Variants in TTN observed in about 807,000 individuals in gnomAD.
The protein encoded by TTN is connectin.
Under a neutral mutation model 3,223.0 loss-of-function variants are expected in TTN, and 1,525 were observed. The ratio of observed to expected loss-of-function variants is 0.47; its 90% CI spans 0.45 to 0.49. The LOEUF (loss-of-function observed/expected upper bound fraction) is 0.49. Ranked by LOEUF, TTN falls within the 20% of genes least tolerant of loss-of-function variation. TTN has a pLI of 0.00. For synonymous variants in TTN, 14,094 were observed against 15,161.0 expected (o/e 0.93, Z 5.17); for missense variants, 40,786 against 43,424.0 (o/e 0.94, Z 5.40).
chr2:178,743,693 T>C lies in TTN; in HGVS notation c.11312-1772A>G, dbSNP rs151197400. Among the ~76,000 whole-genome samples the C allele has an allele frequency of 1.2e-3, 181 of 152,132 alleles. 5 individuals are homozygous for C. In the East Asian group the frequency reaches 0.028, roughly 23 times the overall value. On this transcript the variant is annotated intron_variant, in intron 47 of 362. Transcript: ENST00000589042. The stretch of plus-strand genomic sequence containing the variant: ...ATGTTTGAGTAAAGCATGCTTGTCA[T>C]GTTTGCCTCAATCTGAGTTTCTCGT...
In TTN at chr2:178,594,004, G is replaced by T; in HGVS notation, c.58389C>A (p.Asn19463Lys). The T allele has an allele frequency of 6.2e-7, 1 of 1,613,556 alleles. No individual in the cohort carries two copies. Among genetic ancestry groups the T allele is most frequent in the East Asian group, 2.2e-5 (1 of 44,790 alleles). Residue 19463 changes from asparagine to lysine, a missense_variant, in exon 297 of 363, where the codon AAC (asparagine) becomes AAA (lysine). Asn to Lys is a moderately conservative substitution (Grantham distance 94, BLOSUM62 0). Coordinates refer to ENST00000589042, the MANE Select transcript of TTN (RefSeq NM_001267550.2). ...DSGKYCVVVE[N>K]STGSRKGFCQ... ...AGAAACCTTTCCTAGAGCCTGTACTGTTCTCCACAACCACACAGTATTTGC... is the reference window on the plus strand; with the variant it reads ...AGAAACCTTTCCTAGAGCCTGTACTTTTCTCCACAACCACACAGTATTTGC...
chr2:178,612,146 G>A lies in TTN; in HGVS notation c.50265C>T (p.Pro16755=), dbSNP rs2154200169. 2 of 1,611,124 alleles carry A rather than the reference G, an allele frequency of 1.2e-6. No individual in the cohort carries two copies. Among genetic ancestry groups the A allele is most frequent in the Non-Finnish European group, 1.7e-6 (2 of 1,178,630 alleles). Residue 16755 remains proline (P), a synonymous_variant, in exon 267 of 363, where the codon CCC becomes CCT. Coordinates refer to ENST00000589042, the MANE Select transcript of TTN (RefSeq NM_001267550.2). ...AKDTFTTPGP[P]YALAVVDVTK... ...TCACATCAACCACTGCCAGGGCGTA[G>A]GGTGGTCCAGGAGTGGCTGAAAATA...
At chr2:178,709,285 A>G (rs2154294114) in intron 99 of TTN, among the ~76,000 whole-genome samples, 1 of 152,348 alleles carries the variant, frequency 6.6e-6, no homozygotes, top group African/African-American at 2.4e-5. Flanking sequence ...CACACATTTC[A>G]GAGTACGCTG....
chr2:178,782,121 T>A, intron 20 of TTN, 91 bp downstream of exon 20: 1 of 1,464,430 alleles, frequency 6.8e-7, no homozygotes, highest in Non-Finnish European at 9.5e-7. Context: ...GAGCCTATGC[T>A]CAGGGTCGGT....
rs376354376 is a variant in TTN, at chr2:178,719,577, C to T, written c.23915G>A (p.Cys7972Tyr). Residue 7972 changes from cysteine (C) to tyrosine (Y), a missense_variant, in exon 82 of 363, where the codon TGC becomes TAC. Cys to Tyr is a radical substitution (Grantham distance 194, BLOSUM62 -2). Coordinates refer to ENST00000589042, the MANE Select transcript of TTN (RefSeq NM_001267550.2). ...EVKNSVGKSN[C>Y]TVSVHVSDRI... ...ACCAGAAACATGGACGGATACAGTG[C>T]AGTTACTTTTGCCAACACTGTTTTT... 3.7e-6 allele frequency: 6 copies of T among 1,610,618 alleles called. No homozygotes were observed. The highest frequency in any genetic ancestry group is 4.5e-5 in the East Asian group (2 of 44,834).
chr2:178,751,775 C>T lies in TTN; in HGVS notation c.11311+1349G>A, dbSNP rs141926114. ...CCGACGAAGACCTGTTGGGATGGGC[C>T]GATTGTTATGAAACCAAGTCATTTC... is the stretch of plus-strand genomic sequence containing the variant. On this transcript the variant is annotated intron_variant, in intron 47 of 362. Coordinates refer to ENST00000589042, the MANE Select transcript of TTN (RefSeq NM_001267550.2). The T allele has an allele frequency of 5.3e-5, 85 of 1,612,828 alleles. No homozygotes were observed. The African/African-American group carries it at 6.4e-4, about 12-fold the overall frequency.
intron 68 of TTN, 88 bp from the exon 69 acceptor site, chr2:178,727,459 T>C (rs1023814620): frequency 2.0e-6 from 3 of 1,504,352 alleles, no homozygotes; most frequent in Admixed American, 2.3e-5. Context: ...GAGAAAAACA[T>C]GAGCAAATAC....
chr2:178,553,372 A>G lies in TTN; in HGVS notation c.89528T>C (p.Val29843Ala). The change falls in exon 335 of 363, where the codon GTG (valine) becomes GCG (alanine). Residue 29843 changes from valine (V) to alanine (A), a missense_variant. Coordinates refer to ENST00000589042, the MANE Select transcript of TTN (RefSeq NM_001267550.2). ...GGCAATAACAGAAGTTCTGAGAGCCACATCCAGGTCAATCTCTGGTGCCTC... is the reference window on the plus strand; with the variant it reads ...GGCAATAACAGAAGTTCTGAGAGCCGCATCCAGGTCAATCTCTGGTGCCTC... ...ILEAPEIDLDVALRTSVIAKA... is the reference protein window; with the variant it reads ...ILEAPEIDLDAALRTSVIAKA... 1 of 1,597,350 alleles carries G rather than the reference A, an allele frequency of 6.3e-7. No homozygotes were observed. Among genetic ancestry groups the G allele is most frequent in the Non-Finnish European group, 8.5e-7 (1 of 1,172,804 alleles).
At position 178,572,526 on chromosome 2, in the gene TTN, C is replaced by T; in HGVS notation, c.73606G>A (p.Val24536Ile). Reference sequence around the variant, plus strand: ...AGAGGTGGGTCCCATGTGAGTGTGACAGATGTCTTAGTGACCTCTTTTACC... The same window carrying T: ...AGAGGTGGGTCCCATGTGAGTGTGATAGATGTCTTAGTGACCTCTTTTACC... ...LKVKEVTKTS[V>I]TLTWDPPLLD... Residue 24536 changes from valine to isoleucine, a missense_variant, in exon 326 of 363, where the codon GTC (valine) becomes ATC (isoleucine). By Grantham distance (29) the Val-to-Ile change is conservative. Coordinates refer to ENST00000589042, the MANE Select transcript of TTN (RefSeq NM_001267550.2). The T allele has an allele frequency of 6.2e-7, 1 of 1,613,424 alleles. No individual in the cohort carries two copies. Among genetic ancestry groups the T allele is most frequent in the Middle Eastern group, 1.7e-4 (1 of 6,054 alleles).
Position 178,712,918 on chromosome 2 carries a change from A to G in TTN, c.27107T>C (p.Val9036Ala). 6.2e-7 allele frequency: 1 copy of G among 1,613,302 alleles called. No homozygotes were observed. The highest frequency in any genetic ancestry group is 8.5e-7 in the Non-Finnish European group (1 of 1,179,550). The change falls in exon 94 of 363, where the codon GTA becomes GCA. Residue 9036 changes from valine (V) to alanine (A), a missense_variant. Physicochemically the swap from Val to Ala is moderately conservative, Grantham distance 64 (BLOSUM62 0). Coordinates refer to ENST00000589042, the MANE Select transcript of TTN (RefSeq NM_001267550.2). Reference protein sequence around the residue: ...DPMDVLTGTNVTFTSIVKGTP... With the variant: ...DPMDVLTGTNATFTSIVKGTP... ...TCCTTTTACGATACTTGTGAAAGTT[A>G]CATTGGTCCCAGTTAAAACATCCAT...
intron 88 of TTN, among the ~76,000 whole-genome samples, chr2:178,716,812 A>C (rs1284694447): frequency 6.6e-6 from 1 of 152,176 alleles, no homozygotes; most frequent in African/African-American, 2.4e-5. Flanking sequence ...CTTTCAAACT[A>C]GGATTTTCTT....
At position 178,714,056 on chromosome 2, in the gene TTN, T is replaced by G. The variant is rs776511625; in HGVS notation, c.26602A>C (p.Lys8868Gln). ...ELSTKWFKDG[K>Q]ELTSDNKYKI... ...TATTTGTTGTCACTTGTTAGCTCTT[T>G]TCCATCCTTAAACCACTTAGTACTG... Residue 8868 changes from lysine (K) to glutamine (Q), a missense_variant, in exon 92 of 363, where the codon AAA (lysine) becomes CAA (glutamine). Lys to Gln is a moderately conservative substitution (Grantham distance 53). Coordinates refer to ENST00000589042, the MANE Select transcript of TTN (RefSeq NM_001267550.2). 39 of 1,613,524 alleles carry G rather than the reference T, an allele frequency of 2.4e-5. No individual in the cohort carries two copies. Among genetic ancestry groups the G allele is most frequent in the Admixed American group, 2.3e-4 (14 of 59,952 alleles).
chr2:178,786,870 T>C (rs1404481970), intron 13 of TTN, among the ~76,000 whole-genome samples: 1 of 152,228 alleles, frequency 6.6e-6, no homozygotes, highest in African/African-American at 2.4e-5. Context: ...TTCATTATTA[T>C]GGAGAGTTAA....
Position 178,685,407 on chromosome 2 carries a change from A to C in TTN, c.32393-77T>G, listed in dbSNP as rs930715042. 3 of 1,470,494 alleles carry C rather than the reference A, an allele frequency of 2.0e-6. No homozygotes were observed. The African/African-American group carries it at 4.3e-5, about 21-fold the overall frequency. 91.1% of individuals were successfully genotyped at this position (1,470,494 alleles called of 1,614,324 possible). On this transcript the variant is annotated intron_variant, in intron 128 of 362. Transcript: ENST00000589042. ...TAAAAGTGTAAGGGATCTTTTTATT[A>C]GACATGATATTTATCAATATTTGCA...
rs751787608 is a variant in TTN, at chr2:178,582,433, G to T, written c.66023C>A (p.Ala22008Glu). The change falls in exon 314 of 363, where the codon GCA (alanine) becomes GAA (glutamate). Residue 22008 changes from alanine (A) to glutamate (E), a missense_variant. Coordinates refer to ENST00000589042, the MANE Select transcript of TTN (RefSeq NM_001267550.2). ...TSRPNWAQVSATVPITSCSVE... is the reference protein window; with the variant it reads ...TSRPNWAQVSETVPITSCSVE... ...GCTGCAGCTGGTGATAGGCACAGTT[G>T]CAGAGACTTGAGCCCAGTTGGGCCT... The T allele has an allele frequency of 1.2e-6, 2 of 1,612,964 alleles. No homozygotes were observed. Among genetic ancestry groups the T allele is most frequent in the South Asian group, 2.2e-5 (2 of 91,040 alleles).
chr2:178,630,184 C>T (rs995342228), intron 239 of TTN, 57 bp downstream of exon 239: 6 of 1,604,934 alleles, frequency 3.7e-6, no homozygotes, highest in Middle Eastern at 1.7e-4. Flanking sequence ...ATTTCACTCA[C>T]ATTCATTTTC....
In TTN at chr2:178,654,134, G is replaced by A. The variant is rs576457094; in HGVS notation, c.38381-39C>T. ...AGTATTTTTATAATTTATGAATGGC[G>A]AAGGTATATATTACAGTGATTGTGA... On this transcript the variant is annotated intron_variant, in intron 193 of 362. Coordinates refer to ENST00000589042, the MANE Select transcript of TTN (RefSeq NM_001267550.2). The A allele has an allele frequency of 6.9e-5, 110 of 1,595,056 alleles. 3 individuals carry two copies. The highest frequency in any genetic ancestry group is 1.6e-4 in the East Asian group (7 of 44,784).
At position 178,776,516 on chromosome 2, in the gene TTN, T is replaced by C; in HGVS notation, c.5348A>G (p.Tyr1783Cys). 6.2e-7 allele frequency: 1 copy of C among 1,609,480 alleles called. No homozygotes were observed. Among genetic ancestry groups the C allele is most frequent in the South Asian group, 1.1e-5 (1 of 91,084 alleles). ...GGTAGCAGATGTGTGATCTGTTCCATATTTGTTAGTGGCTCTGCAAGTAAT... is the reference window on the plus strand; with the variant it reads ...GGTAGCAGATGTGTGATCTGTTCCACATTTGTTAGTGGCTCTGCAAGTAAT... ...GIITCRATNK[Y>C]GTDHTSATLI... Residue 1783 changes from tyrosine to cysteine, a missense_variant, in exon 28 of 363, where the codon TAT (tyrosine) becomes TGT (cysteine). Transcript: ENST00000589042.
chr2:178,683,316 T>G, intron 133 of TTN, 25 bp from the exon 134 acceptor site: 1 of 1,383,282 alleles, frequency 7.2e-7, no homozygotes, highest in Non-Finnish European at 9.8e-7. Context: ...TTATTAAAAG[T>G]GAATTGCAAG....
Sources: gnomAD v4.1 joint callset for allele counts (sites outside exome capture counted in the v4.1 genomes callset) on GRCh38, gnomAD v4.1.1 for gene constraint, MANE v1.5 for transcripts, NCBI Gene and HGNC (gene_info 2026-07-23, HGNC 2026-07-21) for gene names.